TNRC6B: variants seen among roughly 807,000 people sequenced by gnomAD.
The protein encoded by TNRC6B is trinucleotide repeat-containing gene 6B protein.
A neutral mutation model predicts 203.6 loss-of-function variants in TNRC6B; 52 were observed. The ratio of observed to expected loss-of-function variants is 0.26; its 90% confidence interval spans 0.20 to 0.32. The LOEUF is 0.32. Among genes scored for constraint, TNRC6B ranks in the 10% least tolerant of loss-of-function variants. The pLI, the probability that TNRC6B is intolerant of heterozygous loss-of-function variation, is 1.00. For synonymous variants in TNRC6B, 838 were observed against 845.7 expected (o/e 0.99, Z 0.16); for missense variants, 1,923 against 2,286.2 (o/e 0.84, Z 3.24).
chr22:40,225,608 C>T (rs887697832), intron 1 of TNRC6B, among the ~76,000 whole-genome samples: 6 of 151,978 alleles, frequency 3.9e-5, no homozygotes, highest in Middle Eastern at 3.4e-3. Context: ...CCAGGTGTGG[C>T]GGCGTGTGCC....
chr22:40,143,938 A>G (rs184452394), intron 3 of TNRC6B, among the ~76,000 whole-genome samples: 7 of 152,358 alleles, frequency 4.6e-5, no homozygotes, highest in Admixed American at 6.5e-5. Context: ...ATTTCACAAA[A>G]TAAGGCATCC....
At chr22:40,280,195 C>T in intron 10 of TNRC6B, 52 bp downstream of exon 10, 2 of 1,557,978 alleles carry the variant, frequency 1.3e-6, no homozygotes, top group East Asian at 2.3e-5. Context: ...CGCTTTGGTT[C>T]CCATTTGTCT....
intron 3 of TNRC6B, among the ~76,000 whole-genome samples, chr22:40,258,900 A>G (rs115951844): frequency 6.6e-6 from 1 of 152,274 alleles, no homozygotes; most frequent in African/African-American, 2.4e-5. Context: ...TCACTCTGTC[A>G]TGTCTTGTTG....
chr22:40,279,668 G>A (rs1601484811), intron 9 of TNRC6B, among the ~76,000 whole-genome samples: 1 of 152,204 alleles, frequency 6.6e-6, no homozygotes, highest in African/African-American at 2.4e-5. Flanking sequence ...AGACACATCA[G>A]TATCCAGTCT....
intron 1 of TNRC6B, among the ~76,000 whole-genome samples, chr22:40,105,086 G>A (rs879275132): frequency 2.6e-5 from 4 of 152,190 alleles, no homozygotes; most frequent in Non-Finnish European, 4.4e-5. Flanking sequence ...GAAAGCACAC[G>A]ATTGAGAGCA....
intron 3 of TNRC6B, among the ~76,000 whole-genome samples, chr22:40,252,825 C>T (rs1793183551): frequency 6.6e-6 from 1 of 152,168 alleles, no homozygotes; most frequent in African/African-American, 2.4e-5. Context: ...TCTAAACCAA[C>T]ATACTTTCTA....
chr22:40,145,126 G>T (rs2068681556), intron 3 of TNRC6B, among the ~76,000 whole-genome samples: 1 of 151,548 alleles, frequency 6.6e-6, no homozygotes, highest in African/African-American at 2.4e-5. Context: ...CAGGCCTGTG[G>T]TCCCAGCTAT....
At chr22:40,306,221 G>A (rs1394457977) in intron 15 of TNRC6B, among the ~76,000 whole-genome samples, 2 of 152,182 alleles carry the variant, frequency 1.3e-5, no homozygotes, top group African/African-American at 4.8e-5. Flanking sequence ...TGAACCCAGA[G>A]GCGAAGGTTG....
intron 7 of TNRC6B, among the ~76,000 whole-genome samples, chr22:40,276,512 T>C (rs1188273910): frequency 6.6e-6 from 1 of 152,118 alleles, no homozygotes; most frequent in Non-Finnish European, 1.5e-5. Flanking sequence ...GTTTGTCCCA[T>C]TAAAAAATTA....
At chr22:40,155,666 C>T (rs979518390) in intron 3 of TNRC6B, among the ~76,000 whole-genome samples, 1 of 152,190 alleles carries the variant, frequency 6.6e-6, no homozygotes, top group Non-Finnish European at 1.5e-5. Context: ...GCTGCATACC[C>T]TTGTCAACAC....
chr22:40,232,690 A>G (rs1333226921), intron 1 of TNRC6B, among the ~76,000 whole-genome samples: 1 of 152,334 alleles, frequency 6.6e-6, no homozygotes, highest in East Asian at 1.9e-4. Flanking sequence ...CTTTTGCCAC[A>G]TAGAATTTTG....
chr22:40,147,695 A>G (rs1205574496), intron 3 of TNRC6B, among the ~76,000 whole-genome samples: 1 of 152,192 alleles, frequency 6.6e-6, no homozygotes. Flanking sequence ...ACCTCCCAAC[A>G]CTATTGCACT....
chr22:40,296,539 A>G (rs2043639635), intron 12 of TNRC6B, among the ~76,000 whole-genome samples: 1 of 151,564 alleles, frequency 6.6e-6, no homozygotes, highest in Non-Finnish European at 1.5e-5. Flanking sequence ...TCACCGTGTT[A>G]GCCAGGATGG....
At chr22:40,273,928 G>A (rs1569049079) in intron 7 of TNRC6B, among the ~76,000 whole-genome samples, 1 of 152,074 alleles carries the variant, frequency 6.6e-6, no homozygotes, top group Non-Finnish European at 1.5e-5. Context: ...ATTACAGGTG[G>A]GAGCTACCAT....
Position 40,273,217 on chromosome 22 carries a change from A to G in TNRC6B, c.2966-208A>G, listed in dbSNP as rs900855996. Among the ~76,000 whole-genome samples, 3 of 152,298 alleles carry G rather than the reference A, an allele frequency of 2.0e-5. No homozygotes were observed. The East Asian group carries it at 5.8e-4, about 29-fold the overall frequency. On this transcript the variant is annotated intron_variant, in intron 6 of 22. Transcript: ENST00000454349. ...CCATAAATCAGGAGGCCTTGATTCT[A>G]TGGTTTGTTAACTTTCTGTGTATCA...
At chr22:40,146,616 G>T (rs1394175861) in intron 3 of TNRC6B, among the ~76,000 whole-genome samples, 1 of 147,170 alleles carries the variant, frequency 6.8e-6, no homozygotes, top group Non-Finnish European at 1.5e-5. Context: ...GCCCAGGCTG[G>T]AGTGCAGTGG....
intron 1 of TNRC6B, among the ~76,000 whole-genome samples, chr22:40,222,728 C>CTCTTTTTTT (rs2069728214): frequency 1.5e-4 from 6 of 40,212 alleles, no homozygotes; most frequent in Non-Finnish European, 2.0e-4. Context: ...CTCTCTCTCT[C>CTCTTTTTTT]TTTTTTTTTT....
chr22:40,052,328 G>C (rs559560442), intron 1 of TNRC6B, among the ~76,000 whole-genome samples: 2 of 151,456 alleles, frequency 1.3e-5, no homozygotes, highest in South Asian at 4.2e-4. Context: ...TTTAACAACA[G>C]ATAAAGCATG....
chr22:40,310,623 A>G (rs534698863), intron 16 of TNRC6B, among the ~76,000 whole-genome samples, 194 bp from the exon 17 acceptor site: 6 of 152,196 alleles, frequency 3.9e-5, no homozygotes, highest in African/African-American at 7.2e-5. Flanking sequence ...AGGCTCAGAG[A>G]GGCGAAATGA....
Sources: gnomAD v4.1 joint callset for allele counts (sites outside exome capture counted in the v4.1 genomes callset) on GRCh38, gnomAD v4.1.1 for gene constraint, MANE v1.5 for transcripts, NCBI Gene and HGNC (gene_info 2026-07-23, HGNC 2026-07-21) for gene names.